Variants in DOCK2 observed in about 807,000 individuals in gnomAD.
DOCK2 encodes dedicator of cytokinesis 2.
Under a neutral mutation model 248.9 loss-of-function variants are expected in DOCK2, and 87 were observed. The ratio of observed to expected loss-of-function variants is 0.35; its 90% confidence interval spans 0.29 to 0.42. DOCK2 has a LOEUF of 0.42. Ranked by LOEUF, DOCK2 falls within the 10% of genes least tolerant of loss-of-function variation. DOCK2 has a pLI of 1.00. For synonymous variants in DOCK2, 805 were observed against 821.6 expected (o/e 0.98, Z 0.35); for missense variants, 1,747 against 2,300.2 (o/e 0.76, Z 4.92).
At chr5:169,694,221 T>C (rs374941275) in intron 9 of DOCK2, among the ~76,000 whole-genome samples, 16 of 152,372 alleles carry the variant, frequency 1.1e-4, no homozygotes, top group African/African-American at 2.6e-4. Context: ...CGACAGCTTA[T>C]TCCCAGTGCA....
At chr5:169,982,134 T>C (rs1777957033) in intron 27 of DOCK2, among the ~76,000 whole-genome samples, 1 of 151,924 alleles carries the variant, frequency 6.6e-6, no homozygotes, top group Non-Finnish European at 1.5e-5. Context: ...AGCCCGTGCT[T>C]GGCTGGACCA....
intron 26 of DOCK2, among the ~76,000 whole-genome samples, chr5:169,811,723 A>G (rs1323172822): frequency 6.6e-6 from 1 of 152,200 alleles, no homozygotes; most frequent in Non-Finnish European, 1.5e-5. Flanking sequence ...CAAAGTGGCA[A>G]GGTAGATCTT....
chr5:170,035,824 G>A (rs1321172345), intron 35 of DOCK2, among the ~76,000 whole-genome samples: 2 of 152,276 alleles, frequency 1.3e-5, no homozygotes, highest in Non-Finnish European at 2.9e-5. Context: ...TGGGTGTGCT[G>A]CATTAAACCA....
At chr5:169,738,216 G>C (rs1180167476) in intron 22 of DOCK2, among the ~76,000 whole-genome samples, 4 of 152,174 alleles carry the variant, frequency 2.6e-5, no homozygotes, top group African/African-American at 9.7e-5. Context: ...TTCCACTTAG[G>C]AATTTTTAAA....
At chr5:169,887,991 A>AT (rs1328937168) in intron 27 of DOCK2, among the ~76,000 whole-genome samples, 1 of 152,190 alleles carries the variant, frequency 6.6e-6, no homozygotes, top group Non-Finnish European at 1.5e-5. Flanking sequence ...ATGAGTGGAC[A>AT]TTTTTTCACA....
chr5:169,639,981 G>A (rs189085957), intron 1 of DOCK2, among the ~76,000 whole-genome samples: 22 of 152,326 alleles, frequency 1.4e-4, no homozygotes, highest in Admixed American at 1.4e-3. Flanking sequence ...TTGTCTCATG[G>A]CCTATCTCCA....
intron 51 of DOCK2, among the ~76,000 whole-genome samples, 179 bp from the exon 52 acceptor site, chr5:170,082,617 C>T (rs1220355139): frequency 1.3e-5 from 2 of 152,214 alleles, no homozygotes; most frequent in Non-Finnish European, 2.9e-5. Flanking sequence ...TGAGCCTGGG[C>T]TCACTCTACT....
At chr5:169,649,616 GC>G (rs1178921178) in intron 1 of DOCK2, among the ~76,000 whole-genome samples, 1 of 152,172 alleles carries the variant, frequency 6.6e-6, no homozygotes, top group Non-Finnish European at 1.5e-5. Flanking sequence ...AGAGTGTGAT[GC>G]CTGGTGAGGA....
At chr5:169,783,595 A>G (rs1765824717) in intron 25 of DOCK2, among the ~76,000 whole-genome samples, 1 of 152,152 alleles carries the variant, frequency 6.6e-6, no homozygotes, top group African/African-American at 2.4e-5. Flanking sequence ...TATTATACCC[A>G]TTTTTATTAT....
chr5:170,013,148 A>C (rs751108781), intron 32 of DOCK2, among the ~76,000 whole-genome samples: 1 of 152,152 alleles, frequency 6.6e-6, no homozygotes, highest in Admixed American at 6.5e-5. Context: ...AAGGAAAGAC[A>C]GGGAAAGGGC....
At chr5:169,716,115 T>C (rs1195818801) in intron 19 of DOCK2, 98 bp from the exon 20 acceptor site, 26 of 1,069,464 alleles carry the variant, frequency 2.4e-5, no homozygotes, top group Non-Finnish European at 3.4e-5. Flanking sequence ...GGTGGATGTG[T>C]GCTCTCATTC....
chr5:169,822,769 A>G (rs1768552214), intron 26 of DOCK2, among the ~76,000 whole-genome samples: 1 of 152,250 alleles, frequency 6.6e-6, no homozygotes, highest in African/African-American at 2.4e-5. Context: ...AACTAAGATC[A>G]GAGCAGAACT....
chr5:169,918,820 G>A (rs1775020613), intron 27 of DOCK2, among the ~76,000 whole-genome samples: 2 of 152,216 alleles, frequency 1.3e-5, no homozygotes, highest in Admixed American at 1.3e-4. Flanking sequence ...GGCTGAGGCA[G>A]GAGGATTGCT....
intron 27 of DOCK2, among the ~76,000 whole-genome samples, chr5:169,945,436 G>C (rs1211281117): frequency 6.6e-6 from 1 of 152,244 alleles, no homozygotes; most frequent in Non-Finnish European, 1.5e-5. Flanking sequence ...CAACAGAAAT[G>C]CTAACAAGTG....
rs778789467 is a variant in DOCK2 at position 170,036,500 on chromosome 5, T to C, written c.3625-15T>C. The C allele has an allele frequency of 1.2e-6, 2 of 1,612,680 alleles. No individual in the cohort carries two copies. Among genetic ancestry groups the C allele is most frequent in the South Asian group, 2.2e-5 (2 of 90,720 alleles). ...AGAGAACAACACTCATCATTGTTTT[T>C]CCTCCCCTACCTAGAATTTCTACAA... On this transcript the variant is annotated splice_polypyrimidine_tract_variant and intron_variant, in intron 35 of 51. Coordinates refer to ENST00000520908, the MANE Select transcript of DOCK2 (RefSeq NM_004946.3).
At chr5:169,946,267 C>A (rs981208050) in intron 27 of DOCK2, among the ~76,000 whole-genome samples, 5 of 152,178 alleles carry the variant, frequency 3.3e-5, no homozygotes, top group African/African-American at 1.2e-4. Flanking sequence ...GTGTTCCAGC[C>A]CCCCACATCC....
intron 22 of DOCK2, among the ~76,000 whole-genome samples, chr5:169,732,695 A>G (rs982724873): frequency 2.6e-5 from 4 of 152,060 alleles, no homozygotes; most frequent in South Asian, 2.1e-4. Flanking sequence ...CAATTTATCT[A>G]TATCTTTCCA....
intron 25 of DOCK2, among the ~76,000 whole-genome samples, chr5:169,774,138 A>G (rs925475066): frequency 6.6e-6 from 1 of 152,178 alleles, no homozygotes; most frequent in African/African-American, 2.4e-5. Flanking sequence ...CCAACATCTT[A>G]GAATAGAAGG....
chr5:170,082,219 AC>A (rs1335450566), intron 51 of DOCK2, among the ~76,000 whole-genome samples: 1 of 152,040 alleles, frequency 6.6e-6, no homozygotes, highest in East Asian at 1.9e-4. Context: ...GATGTGCAGG[AC>A]CCAGGGACCT....
Sources: allele counts gnomAD v4.1 joint callset (sites outside exome capture counted in the v4.1 genomes callset), GRCh38; gene constraint gnomAD v4.1.1; transcripts MANE v1.5; gene names NCBI Gene and HGNC (gene_info 2026-07-23, HGNC 2026-07-21).